SCFD2: variants seen among roughly 807,000 people sequenced by gnomAD.
SCFD2 encodes the protein sec1 family domain-containing protein 2.
A neutral mutation model predicts 58.9 loss-of-function variants in SCFD2; 54 were observed. The ratio of observed to expected loss-of-function variants is 0.92; its 90% CI spans 0.74 to 1.15. The LOEUF is 1.15. Among genes scored for constraint, SCFD2 ranks in the 50% most tolerant of loss-of-function variants. The probability of loss-of-function intolerance (pLI) is 0.00; values close to 1 mark genes in which losing one functional copy is unlikely to be tolerated. For missense variants in SCFD2, 805 were observed against 836.6 expected (o/e 0.96, Z 0.47); for synonymous variants, 321 against 335.9 (o/e 0.96, Z 0.49).
intron 4 of SCFD2, among the ~76,000 whole-genome samples, chr4:53,264,689 C>T (rs1199948258): frequency 6.6e-6 from 1 of 152,160 alleles, no homozygotes; most frequent in Non-Finnish European, 1.5e-5. Context: ...AATAGAGGCA[C>T]TAGAGGACTT....
intron 2 of SCFD2, among the ~76,000 whole-genome samples, chr4:53,350,926 T>G (rs1428793144): frequency 6.6e-6 from 1 of 152,140 alleles, no homozygotes; most frequent in Admixed American, 6.6e-5. Context: ...GCCATGTTGG[T>G]CTCAAACTCC....
rs1718723256 is a variant in SCFD2 at position 52,885,736 on chromosome 4, G to A, written c.1962+11C>T. ...TCTGAGCTCTTGTTCAAAGCATGGA[G>A]GACTCAGTACCTGGGTTCCTGGCTT... On this transcript the variant is annotated intron_variant, in intron 8 of 8. Transcript: ENST00000401642. The A allele has an allele frequency of 3.1e-6, 5 of 1,613,400 alleles. No homozygotes were observed. Among genetic ancestry groups the A allele is most frequent in the Non-Finnish European group, 1.7e-6 (2 of 1,179,654 alleles).
At chr4:53,031,957 A>C (rs1722625774) in intron 5 of SCFD2, among the ~76,000 whole-genome samples, 2 of 152,166 alleles carry the variant, frequency 1.3e-5, no homozygotes, top group African/African-American at 2.4e-5. Flanking sequence ...AGATACTCCT[A>C]GAGAAGAGCA....
chr4:53,182,552 A>G lies in SCFD2; in HGVS notation c.1312-36970T>C, dbSNP rs1379735353. Among the ~76,000 whole-genome samples the G allele has an allele frequency of 5.9e-5, 9 of 152,332 alleles. No individual in the cohort carries two copies. In the East Asian group the frequency reaches 1.7e-3, roughly 29 times the overall value. ...TTAGACCTAAAACCATAAAAACCCT[A>G]GAAGAAAACCTAGGCAATACCATTC... On this transcript the variant is annotated intron_variant, in intron 4 of 8. Transcript: ENST00000401642.
At chr4:53,073,110 CAT>C (rs1219833049) in intron 5 of SCFD2, among the ~76,000 whole-genome samples, 4 of 152,072 alleles carry the variant, frequency 2.6e-5, no homozygotes, top group Non-Finnish European at 5.9e-5. Flanking sequence ...TTCCCCAAAT[CAT>C]ATAGTTTAAC....
intron 4 of SCFD2, among the ~76,000 whole-genome samples, chr4:53,180,567 C>T (rs909304408): frequency 7.2e-5 from 11 of 152,058 alleles, no homozygotes; most frequent in Non-Finnish European, 1.5e-4. Context: ...CTAAAATTGA[C>T]ACCCTAACAT....
At chr4:53,360,792 A>G (rs1211936432) in intron 1 of SCFD2, among the ~76,000 whole-genome samples, 13 of 152,244 alleles carry the variant, frequency 8.5e-5, no homozygotes, top group African/African-American at 3.1e-4. Flanking sequence ...GGAATACCTC[A>G]AGTAACTTTT....
At chr4:53,214,648 T>C (rs545680750) in intron 4 of SCFD2, among the ~76,000 whole-genome samples, 1 of 152,284 alleles carries the variant, frequency 6.6e-6, no homozygotes, top group African/African-American at 2.4e-5. Flanking sequence ...CAGAAGCTCT[T>C]TAGTTTAATT....
chr4:52,991,026 G>A (rs991063461), intron 5 of SCFD2, among the ~76,000 whole-genome samples: 2 of 152,192 alleles, frequency 1.3e-5, no homozygotes, highest in Non-Finnish European at 2.9e-5. Context: ...TCTGTGATGA[G>A]GAGTAGAGAG....
At chr4:52,940,358 A>G (rs777194987) in intron 5 of SCFD2, among the ~76,000 whole-genome samples, 3 of 152,176 alleles carry the variant, frequency 2.0e-5, no homozygotes, top group Non-Finnish European at 2.9e-5. Flanking sequence ...TCCCTCCCAC[A>G]TGGAAATTAA....
chr4:53,298,671 G>A (rs1732144938), intron 3 of SCFD2, among the ~76,000 whole-genome samples: 1 of 152,320 alleles, frequency 6.6e-6, no homozygotes, highest in Middle Eastern at 3.4e-3. Context: ...TGACCCCCGA[G>A]TAGCCTAACT....
intron 2 of SCFD2, among the ~76,000 whole-genome samples, chr4:53,332,728 G>A (rs1395300796): frequency 2.0e-5 from 3 of 151,902 alleles, no homozygotes; most frequent in African/African-American, 7.3e-5. Flanking sequence ...ATTCAACATA[G>A]TGTTGGAAGT....
intron 5 of SCFD2, among the ~76,000 whole-genome samples, chr4:52,924,784 C>T (rs760229498): frequency 1.1e-4 from 17 of 152,276 alleles, no homozygotes; most frequent in South Asian, 6.2e-4. Context: ...TGCAAGATCA[C>T]ATCACTATTC....
intron 4 of SCFD2, among the ~76,000 whole-genome samples, chr4:53,177,181 T>C (rs1335240834): frequency 6.6e-6 from 1 of 152,208 alleles, no homozygotes; most frequent in Non-Finnish European, 1.5e-5. Flanking sequence ...ATAAACAACA[T>C]AGGTCATCCC....
At chr4:53,363,844 A>G (rs1734622361) in intron 1 of SCFD2, among the ~76,000 whole-genome samples, 1 of 151,264 alleles carries the variant, frequency 6.6e-6, no homozygotes. Context: ...AAAAAAAAAA[A>G]GCATTACCTA....
At chr4:53,262,114 C>T (rs189572406) in intron 4 of SCFD2, among the ~76,000 whole-genome samples, 4 of 152,162 alleles carry the variant, frequency 2.6e-5, no homozygotes, top group East Asian at 1.9e-4. Context: ...TATCTTTGTC[C>T]ACCCCTTTAC....
chr4:53,079,254 G>T (rs368095739), intron 5 of SCFD2, among the ~76,000 whole-genome samples: 73 of 152,288 alleles, frequency 4.8e-4, no homozygotes, highest in African/African-American at 1.7e-3. Context: ...GGCAGAAGAT[G>T]GATGTCCCAG....
intron 4 of SCFD2, among the ~76,000 whole-genome samples, chr4:53,150,361 T>G (rs906812179): frequency 6.6e-5 from 10 of 152,076 alleles, no homozygotes; most frequent in African/African-American, 2.4e-4. Flanking sequence ...GGCAGGGTGG[T>G]CATCTGCCCA....
At chr4:52,985,527 G>A (rs1471627836) in intron 5 of SCFD2, among the ~76,000 whole-genome samples, 1 of 151,900 alleles carries the variant, frequency 6.6e-6, no homozygotes, top group Non-Finnish European at 1.5e-5. Context: ...ATTTGAGGGT[G>A]TTTTGGAGAG....
Sources: allele counts gnomAD v4.1 joint callset (sites outside exome capture counted in the v4.1 genomes callset), GRCh38; gene constraint gnomAD v4.1.1; transcripts MANE v1.5; gene names NCBI Gene and HGNC (gene_info 2026-07-23, HGNC 2026-07-21).